SDK1: variants seen among roughly 807,000 people sequenced by gnomAD.
SDK1 encodes protein sidekick-1.
A neutral mutation model predicts 245.5 loss-of-function variants in SDK1; 157 were observed. The ratio of observed to expected loss-of-function variants is 0.64; its 90% confidence interval spans 0.56 to 0.73. The LOEUF is 0.73. Ranked by LOEUF, SDK1 falls within the 30% of genes least tolerant of loss-of-function variation. The pLI is 0.00. For missense variants in SDK1, 3,583 were observed against 3,002.3 expected (o/e 1.19, Z -4.52); for synonymous variants, 1,647 against 1,278.5 (o/e 1.29, Z -6.15).
chr7:4,054,280 T>C (rs114458738), intron 19 of SDK1, among the ~76,000 whole-genome samples: 8,359 of 152,192 alleles, frequency 0.055, 482 homozygotes, highest in African/African-American at 0.14. Flanking sequence ...TACAGATTCA[T>C]ATGCAATTAT....
intron 5 of SDK1, among the ~76,000 whole-genome samples, chr7:3,913,088 A>G (rs935987238): frequency 1.3e-5 from 2 of 152,118 alleles, no homozygotes; most frequent in African/African-American, 4.8e-5. Flanking sequence ...TAAAATGAAG[A>G]AGGAGTTGCC....
intron 1 of SDK1, among the ~76,000 whole-genome samples, chr7:3,522,325 A>C (rs1429863417): frequency 2.0e-5 from 3 of 152,136 alleles, no homozygotes; most frequent in African/African-American, 7.2e-5. Context: ...ATTTGAAGTG[A>C]TTATATGAGG....
intron 4 of SDK1, among the ~76,000 whole-genome samples, chr7:3,769,390 A>C (rs1780343872): frequency 6.6e-6 from 1 of 152,112 alleles, no homozygotes; most frequent in African/African-American, 2.4e-5. Context: ...CTGGAACCTC[A>C]GGTCTCTCTT....
intron 4 of SDK1, among the ~76,000 whole-genome samples, chr7:3,650,524 A>G (rs1336889416): frequency 6.6e-6 from 1 of 152,216 alleles, no homozygotes; most frequent in Non-Finnish European, 1.5e-5. Context: ...ATACAGTCAA[A>G]AGAAATAATG....
intron 1 of SDK1, among the ~76,000 whole-genome samples, chr7:3,437,399 G>A (rs190029736): frequency 8.7e-4 from 132 of 152,300 alleles, no homozygotes; most frequent in South Asian, 2.9e-3. Context: ...GTTTTGCAGT[G>A]TGTAGAGAGC....
intron 1 of SDK1, among the ~76,000 whole-genome samples, chr7:3,434,515 TG>T (rs1779962656): frequency 6.6e-6 from 1 of 152,218 alleles, no homozygotes; most frequent in African/African-American, 2.4e-5. Flanking sequence ...GGATCTTGCA[TG>T]TTTTTCATTT....
intron 4 of SDK1, among the ~76,000 whole-genome samples, chr7:3,769,918 G>T (rs750824440): frequency 1.3e-5 from 2 of 149,870 alleles, no homozygotes; most frequent in African/African-American, 5.0e-5. Flanking sequence ...TTTTCTCAGT[G>T]TTATTTGTAC....
At chr7:3,546,321 G>A (rs1779224044) in intron 1 of SDK1, among the ~76,000 whole-genome samples, 1 of 152,228 alleles carries the variant, frequency 6.6e-6, no homozygotes, top group Admixed American at 6.5e-5. Flanking sequence ...ATAACCATAT[G>A]ACAGTAGGTC....
intron 4 of SDK1, among the ~76,000 whole-genome samples, chr7:3,797,388 A>G (rs1218090020): frequency 6.6e-6 from 1 of 151,330 alleles, no homozygotes; most frequent in African/African-American, 2.4e-5. Context: ...AAGCTAATGT[A>G]TATTTTCTTA....
At chr7:3,935,587 AAAG>A (rs1210321782) in intron 5 of SDK1, among the ~76,000 whole-genome samples, 2 of 152,352 alleles carry the variant, frequency 1.3e-5, no homozygotes, top group Admixed American at 1.3e-4. Context: ...GCATTTCTCC[AAAG>A]AAGAGATACA....
At chr7:3,565,894 G>A (rs563374800) in intron 1 of SDK1, among the ~76,000 whole-genome samples, 4 of 152,316 alleles carry the variant, frequency 2.6e-5, no homozygotes, top group African/African-American at 9.6e-5. Flanking sequence ...ATCCATAGAT[G>A]TGGAACCCAC....
At chr7:3,473,383 C>G (rs1469819501) in intron 1 of SDK1, among the ~76,000 whole-genome samples, 1 of 152,192 alleles carries the variant, frequency 6.6e-6, no homozygotes, top group Non-Finnish European at 1.5e-5. Flanking sequence ...TTGGCTTGTA[C>G]CTTTTAAAAT....
At chr7:3,550,697 T>A (rs966668313) in intron 1 of SDK1, among the ~76,000 whole-genome samples, 1 of 152,244 alleles carries the variant, frequency 6.6e-6, no homozygotes, top group Non-Finnish European at 1.5e-5. Flanking sequence ...CATTAAAATA[T>A]AAAGTAAAAA....
intron 4 of SDK1, among the ~76,000 whole-genome samples, chr7:3,749,213 T>C (rs111836509): frequency 0.019 from 2,904 of 152,284 alleles, 109 homozygotes; most frequent in African/African-American, 0.066. Context: ...CTCTGCTCAC[T>C]GCAACCTCCG....
intron 35 of SDK1, among the ~76,000 whole-genome samples, chr7:4,196,802 G>A (rs1337364276): frequency 2.0e-5 from 3 of 152,214 alleles, no homozygotes; most frequent in South Asian, 4.1e-4. Flanking sequence ...ATGAGCCAGT[G>A]CTTCTCACGG....
At chr7:4,011,633 C>T (rs1785973857) in intron 15 of SDK1, among the ~76,000 whole-genome samples, 1 of 152,236 alleles carries the variant, frequency 6.6e-6, no homozygotes, top group South Asian at 2.1e-4. Flanking sequence ...CATTTCAGCA[C>T]ACCTTCCCCA....
intron 32 of SDK1, among the ~76,000 whole-genome samples, chr7:4,167,076 C>G (rs1288720828): frequency 2.0e-5 from 3 of 152,150 alleles, no homozygotes. Flanking sequence ...GTGATAAAAC[C>G]CAGGCACACT....
At chr7:3,867,504 G>T (rs975815643) in intron 5 of SDK1, among the ~76,000 whole-genome samples, 1 of 152,212 alleles carries the variant, frequency 6.6e-6, no homozygotes, top group Non-Finnish European at 1.5e-5. Flanking sequence ...AATCATGGTG[G>T]AAGGCAAGGA....
At chr7:3,841,782 C>T (rs548842995) in intron 5 of SDK1, among the ~76,000 whole-genome samples, 15 of 152,112 alleles carry the variant, frequency 9.9e-5, no homozygotes, top group African/African-American at 3.1e-4. Context: ...AGGCTGGTCT[C>T]GAACTCCTGA....
Sources: allele counts gnomAD v4.1 joint callset (sites outside exome capture counted in the v4.1 genomes callset), GRCh38; gene constraint gnomAD v4.1.1; transcripts MANE v1.5; gene names NCBI Gene and HGNC (gene_info 2026-07-23, HGNC 2026-07-21).